C1orf21: variants seen among roughly 807,000 people sequenced by gnomAD.
C1orf21 encodes uncharacterized protein C1orf21.
A neutral mutation model predicts 18.7 loss-of-function variants in C1orf21; 3 were observed. The observed-to-expected ratio is 0.16, with a 90% CI of 0.07 to 0.42. C1orf21 has a LOEUF of 0.42. C1orf21 is among the 10% of genes least tolerant of loss of function. C1orf21 has a pLI of 0.99. For synonymous variants in C1orf21, 41 were observed against 46.4 expected, an observed-to-expected ratio of 0.88 and a Z score of 0.47; for missense variants, 104 against 143.6, an observed-to-expected ratio of 0.72 and a Z score of 1.41.
At chr1:184,516,180 T>C (rs1179182710) in intron 3 of C1orf21, among the ~76,000 whole-genome samples, 1 of 152,232 alleles carries the variant, frequency 6.6e-6, no homozygotes, top group Non-Finnish European at 1.5e-5. Flanking sequence ...TTCTCTTTGA[T>C]GACATACAAC....
chr1:184,458,438 G>C (rs1157541652), intron 1 of C1orf21, among the ~76,000 whole-genome samples: 1 of 152,072 alleles, frequency 6.6e-6, no homozygotes, highest in Non-Finnish European at 1.5e-5. Flanking sequence ...TCCCTTTGGG[G>C]AATTAGATAA....
At chr1:184,475,964 G>A (rs1657565440) in intron 1 of C1orf21, among the ~76,000 whole-genome samples, 1 of 152,040 alleles carries the variant, frequency 6.6e-6, no homozygotes, top group Non-Finnish European at 1.5e-5. Context: ...ATAGAGAATA[G>A]TTTGAAGAAT....
intron 5 of C1orf21, among the ~76,000 whole-genome samples, chr1:184,615,148 A>T (rs1053974188): frequency 1.3e-5 from 2 of 152,226 alleles, no homozygotes; most frequent in African/African-American, 4.8e-5. Context: ...TTCAACAAAC[A>T]AAAACCCCTT....
chr1:184,397,246 A>G (rs561680243), intron 1 of C1orf21, among the ~76,000 whole-genome samples: 88 of 152,304 alleles, frequency 5.8e-4, no homozygotes, highest in South Asian at 1.0e-3. Context: ...AGATGTGGGA[A>G]CGTTTATTTG....
At chr1:184,566,655 A>G (rs1434561426) in intron 3 of C1orf21, 11 of 397,670 alleles carry the variant, frequency 2.8e-5, no homozygotes, top group Middle Eastern at 3.9e-4. Context: ...CATAGTATGT[A>G]AGGGAAATTT....
intron 2 of C1orf21, among the ~76,000 whole-genome samples, chr1:184,501,855 A>G (rs773922308): frequency 2.0e-5 from 3 of 152,224 alleles, no homozygotes; most frequent in African/African-American, 4.8e-5. Context: ...GTGGGAGTTC[A>G]TAGAAGTCAA....
intron 2 of C1orf21, among the ~76,000 whole-genome samples, chr1:184,487,356 G>A (rs1413768275): frequency 3.9e-5 from 6 of 152,176 alleles, no homozygotes; most frequent in South Asian, 4.1e-4. Context: ...CCCCTGAACC[G>A]TTACAACTTG....
chr1:184,558,596 T>G (rs1361866354), intron 3 of C1orf21, among the ~76,000 whole-genome samples: 2 of 152,210 alleles, frequency 1.3e-5, no homozygotes, highest in East Asian at 3.8e-4. Context: ...GTCCTTTGGC[T>G]GCAGATGGCC....
intron 3 of C1orf21, among the ~76,000 whole-genome samples, chr1:184,580,271 A>T (rs1184167323): frequency 6.6e-6 from 1 of 152,156 alleles, no homozygotes; most frequent in Non-Finnish European, 1.5e-5. Context: ...ATCTCCTGTT[A>T]CAATCCTTTG....
chr1:184,548,214 A>AACACACACACACACAC (rs58174774), intron 3 of C1orf21, among the ~76,000 whole-genome samples: 9 of 139,966 alleles, frequency 6.4e-5, no homozygotes, highest in Non-Finnish European at 1.2e-4. Context: ...TCAAATCCCC[A>AACACACACACACACAC]ACACACACAC....
chr1:184,455,526 A>G (rs189180745), intron 1 of C1orf21, among the ~76,000 whole-genome samples: 2 of 152,212 alleles, frequency 1.3e-5, no homozygotes, highest in African/African-American at 4.8e-5. Context: ...CCCATCCCCA[A>G]ATCAGGGACT....
intron 1 of C1orf21, among the ~76,000 whole-genome samples, chr1:184,448,947 C>T (rs978442625): frequency 2.0e-5 from 3 of 152,042 alleles, no homozygotes; most frequent in Non-Finnish European, 4.4e-5. Context: ...CCAAATCTTC[C>T]TGCCTAAATA....
At chr1:184,556,902 G>A (rs1308808850) in intron 3 of C1orf21, among the ~76,000 whole-genome samples, 4 of 152,130 alleles carry the variant, frequency 2.6e-5, no homozygotes, top group South Asian at 2.1e-4. Context: ...TGATAAAAGC[G>A]GCCTGAGCAT....
At chr1:184,531,130 G>T (rs947101433) in intron 3 of C1orf21, among the ~76,000 whole-genome samples, 1 of 152,182 alleles carries the variant, frequency 6.6e-6, no homozygotes, top group African/African-American at 2.4e-5. Flanking sequence ...GCCTAAAACA[G>T]ATAGGGCTTC....
At chr1:184,551,986 T>G (rs1173450184) in intron 3 of C1orf21, among the ~76,000 whole-genome samples, 2 of 149,944 alleles carry the variant, frequency 1.3e-5, no homozygotes, top group African/African-American at 2.4e-5. Flanking sequence ...GAATTAACGT[T>G]TTTTTAAAAC....
At chr1:184,466,344 G>A (rs548650166) in intron 1 of C1orf21, among the ~76,000 whole-genome samples, 55 of 152,312 alleles carry the variant, frequency 3.6e-4, no homozygotes, top group Non-Finnish European at 6.9e-4. Flanking sequence ...GAGCAAACTC[G>A]TCAAGGGCAG....
At chr1:184,406,970 T>TC in intron 1 of C1orf21, among the ~76,000 whole-genome samples, 1 of 152,130 alleles carries the variant, frequency 6.6e-6, no homozygotes, top group Admixed American at 6.6e-5. Context: ...TGATTTTTTT[T>TC]CTCTTTGTTT....
intron 3 of C1orf21, among the ~76,000 whole-genome samples, chr1:184,530,600 C>CTTTTT (rs1184327589): frequency 5.4e-5 from 6 of 111,460 alleles, no homozygotes; most frequent in African/African-American, 1.4e-4. Context: ...TTTCTTTTTT[C>CTTTTT]TTTTTTTTTT....
At chr1:184,426,237 G>A (rs905303641) in intron 1 of C1orf21, among the ~76,000 whole-genome samples, 2 of 152,224 alleles carry the variant, frequency 1.3e-5, no homozygotes, top group Admixed American at 6.5e-5. Context: ...CAGGATTACT[G>A]AGAAGTCTCC....
Sources: gnomAD v4.1 joint callset for allele counts (sites outside exome capture counted in the v4.1 genomes callset) on GRCh38, gnomAD v4.1.1 for gene constraint, MANE v1.5 for transcripts, NCBI Gene and HGNC (gene_info 2026-07-23, HGNC 2026-07-21) for gene names.